Variants in CASK observed in about 807,000 individuals in gnomAD.
CASK encodes calcium/calmodulin dependent serine protein kinase, also known as peripheral plasma membrane protein CASK.
A neutral mutation model predicts 82.9 loss-of-function variants in CASK; 4 were observed. That is an observed-to-expected ratio of 0.05 (90% CI 0.02 to 0.11). CASK has a LOEUF of 0.11. CASK is among the 10% of genes least tolerant of loss of function. The pLI is 1.00. For missense variants in CASK, 358 were observed against 720.9 expected, an observed-to-expected ratio of 0.50 and a Z score of 5.76; for synonymous variants, 259 against 253.5, an observed-to-expected ratio of 1.02 and a Z score of -0.20.
intron 1 of CASK, among the ~76,000 whole-genome samples, chrX:41,880,554 A>C (rs2071931333): frequency 9.0e-6 from 1 of 111,543 alleles, no homozygotes; most frequent in Non-Finnish European, 1.9e-5. Flanking sequence ...GATCATTAAC[A>C]AAATATTCTG....
intron 5 of CASK, among the ~76,000 whole-genome samples, chrX:41,694,553 A>C (rs950979603): frequency 1.8e-5 from 2 of 112,289 alleles, no homozygotes; most frequent in Non-Finnish European, 3.8e-5. Flanking sequence ...GCAAGTCTCA[A>C]ATTATTGAAC....
intron 1 of CASK, among the ~76,000 whole-genome samples, chrX:41,917,362 A>G (rs1379389539): frequency 8.9e-6 from 1 of 112,567 alleles, no homozygotes. Flanking sequence ...TTTAAGTTAT[A>G]GAAGTTTTTT....
At chrX:41,732,147 G>A (rs1255414400) in intron 5 of CASK, among the ~76,000 whole-genome samples, 1 of 110,526 alleles carries the variant, frequency 9.0e-6, no homozygotes, top group African/African-American at 3.3e-5. Context: ...TAATGTGTCT[G>A]TGTGAGTTAC....
At chrX:41,619,791 C>T (rs751301418) in intron 11 of CASK, among the ~76,000 whole-genome samples, 4 of 112,082 alleles carry the variant, frequency 3.6e-5, no homozygotes, top group Admixed American at 9.5e-5. Context: ...CATTTTACTA[C>T]GAAAAGCTTC....
intron 8 of CASK, among the ~76,000 whole-genome samples, chrX:41,657,515 A>C (rs1311124501): frequency 9.0e-6 from 1 of 110,683 alleles, no homozygotes; most frequent in African/African-American, 3.3e-5. Context: ...ATATTCTTTT[A>C]TATTTCTTTT....
chrX:41,728,251 A>G, intron 5 of CASK: 2 of 296,472 alleles, frequency 6.7e-6, no homozygotes, highest in Non-Finnish European at 6.1e-6. Context: ...AGCAAAAATT[A>G]AGCATATTGA....
At chrX:41,768,159 G>A (rs1428372036) in intron 3 of CASK, among the ~76,000 whole-genome samples, 1 of 111,576 alleles carries the variant, frequency 9.0e-6, no homozygotes, top group Non-Finnish European at 1.9e-5. Context: ...TGGTTCCTAT[G>A]TCTCTCTGAT....
chrX:41,527,928 T>C (rs1162659300), intron 25 of CASK, among the ~76,000 whole-genome samples: 1 of 112,288 alleles, frequency 8.9e-6, no homozygotes, highest in Non-Finnish European at 1.9e-5. Flanking sequence ...TTTTCTTAGG[T>C]TTGACTGAAT....
intron 2 of CASK, among the ~76,000 whole-genome samples, chrX:41,810,595 A>G (rs4615762): frequency 0.19 from 20,537 of 110,501 alleles, 1,615 homozygotes; most frequent in Middle Eastern, 0.3. Flanking sequence ...CACTAAATAT[A>G]GAAAGGAAAA....
intron 21 of CASK, among the ~76,000 whole-genome samples, chrX:41,543,033 T>C (rs2064970156): frequency 8.9e-6 from 1 of 112,183 alleles, no homozygotes; most frequent in Non-Finnish European, 1.9e-5. Flanking sequence ...CTTGAACATA[T>C]ACTGACAACT....
intron 2 of CASK, among the ~76,000 whole-genome samples, chrX:41,820,431 A>G (rs1234821236): frequency 9.0e-6 from 1 of 111,123 alleles, no homozygotes; most frequent in Non-Finnish European, 1.9e-5. Flanking sequence ...CAAAAACATG[A>G]GGCCCTAACA....
At chrX:41,829,608 T>G (rs113278212) in intron 2 of CASK, among the ~76,000 whole-genome samples, 8,524 of 34,735 alleles carry the variant, frequency 0.25, 978 homozygotes, top group Non-Finnish European at 0.31. Context: ...ATGTTTTTGT[T>G]TTTTTTTTTT....
At chrX:41,670,040 G>C (rs1391157918) in intron 6 of CASK, among the ~76,000 whole-genome samples, 3 of 112,391 alleles carry the variant, frequency 2.7e-5, no homozygotes, top group African/African-American at 9.7e-5. Flanking sequence ...GTTACAGAAA[G>C]ATGCAAAGAT....
chrX:41,765,302 A>C (rs1013607638), intron 3 of CASK, among the ~76,000 whole-genome samples: 1 of 112,430 alleles, frequency 8.9e-6, no homozygotes, highest in Non-Finnish European at 1.9e-5. Context: ...ATACTAATTT[A>C]TATGACAGAG....
intron 3 of CASK, among the ~76,000 whole-genome samples, chrX:41,768,083 T>C (rs765560389): frequency 8.9e-6 from 1 of 111,982 alleles, no homozygotes; most frequent in African/African-American, 3.2e-5. Flanking sequence ...CTTTGGATTG[T>C]AATCTATACT....
intron 12 of CASK, chrX:41,590,004 G>T (rs1039591964): frequency 1.4e-5 from 2 of 147,939 alleles, no homozygotes; most frequent in Non-Finnish European, 1.3e-5. Flanking sequence ...GCCAAGGCAC[G>T]TCTGGAAGAA....
chrX:41,625,994 G>A (rs1474493305), intron 10 of CASK, among the ~76,000 whole-genome samples: 5 of 98,238 alleles, frequency 5.1e-5, no homozygotes, highest in African/African-American at 1.9e-4. Flanking sequence ...TGCAGAGATG[G>A]GGTTTTGCCA....
At chrX:41,885,697 G>A (rs1257078711) in intron 1 of CASK, among the ~76,000 whole-genome samples, 3 of 111,824 alleles carry the variant, frequency 2.7e-5, no homozygotes, top group African/African-American at 9.7e-5. Context: ...TGGTTACCTT[G>A]TCTTGTGTAG....
chrX:41,733,224 G>A (rs1457140108), intron 5 of CASK, among the ~76,000 whole-genome samples: 1 of 106,947 alleles, frequency 9.4e-6, no homozygotes, highest in Non-Finnish European at 1.9e-5. Context: ...TTACTATGTT[G>A]CTCAGGCTGA....
Sources: gnomAD v4.1 joint callset for allele counts (sites outside exome capture counted in the v4.1 genomes callset) on GRCh38, gnomAD v4.1.1 for gene constraint, MANE v1.5 for transcripts, NCBI Gene and HGNC (gene_info 2026-07-23, HGNC 2026-07-21) for gene names.